Variants in ATXN8OS observed in about 807,000 individuals in gnomAD.
The protein encoded by ATXN8OS is ATXN8 opposite strand (non-protein coding).
chr13:70,107,570 C>T (rs1407298426), upstream of ATXN8OS: 3 of 1,605,958 alleles, frequency 1.9e-6, no homozygotes, highest in Non-Finnish European at 1.7e-6. Flanking sequence ...TCAAAGCTGC[C>T]ACTGCCGTCC....
At chr13:70,155,353 A>G (rs1218383510) in intron 4 of ATXN8OS, among the ~76,000 whole-genome samples, 2 of 152,186 alleles carry the variant, frequency 1.3e-5, no homozygotes, top group African/African-American at 2.4e-5. Context: ...TAGGATAACC[A>G]TAGATAGATT....
intron 3 of ATXN8OS, chr13:70,139,372 C>T: frequency 1.5e-6 from 1 of 673,810 alleles, no homozygotes; most frequent in Non-Finnish European, 2.4e-6. Context: ...ACTACTACTA[C>T]TACTACTACT....
At chr13:70,151,069 C>T (rs1365675756) in intron 4 of ATXN8OS, among the ~76,000 whole-genome samples, 1 of 152,166 alleles carries the variant, frequency 6.6e-6, no homozygotes, top group Non-Finnish European at 1.5e-5. Context: ...GAAACCATCG[C>T]TACAATCAAG....
At chr13:70,162,838 A>G (rs1479730499) in intron 4 of ATXN8OS, among the ~76,000 whole-genome samples, 1 of 152,000 alleles carries the variant, frequency 6.6e-6, no homozygotes, top group Non-Finnish European at 1.5e-5. Flanking sequence ...TAGCCTGCAA[A>G]TTACACTAAT....
chr13:70,131,298 T>A (rs1305394577), intron 3 of ATXN8OS: 7 of 398,378 alleles, frequency 1.8e-5, no homozygotes. Context: ...ATCTCTTACC[T>A]AAAATGCTAC....
chr13:70,139,374 A>ACTGCTGCTGCTGCTG (rs1436504114), intron 3 of ATXN8OS: 118 of 648,888 alleles, frequency 1.8e-4, no homozygotes, highest in East Asian at 1.7e-3. Context: ...TACTACTACT[A>ACTGCTGCTGCTGCTG]CTACTACTAC....
At chr13:70,155,254 G>C (rs563869236) in intron 4 of ATXN8OS, among the ~76,000 whole-genome samples, 4 of 152,224 alleles carry the variant, frequency 2.6e-5, no homozygotes, top group Middle Eastern at 3.4e-3. Flanking sequence ...CCTTGTGGTG[G>C]AAGTTTCTGC....
chr13:70,149,227 G>A (rs570943716), intron 4 of ATXN8OS, among the ~76,000 whole-genome samples: 1 of 152,060 alleles, frequency 6.6e-6, no homozygotes, highest in East Asian at 1.9e-4. Context: ...AGTGTTAGAT[G>A]TAAGTCATTT....
At chr13:70,169,601 T>A (rs1053398030) in intron 4 of ATXN8OS, among the ~76,000 whole-genome samples, 1 of 152,066 alleles carries the variant, frequency 6.6e-6, no homozygotes, top group African/African-American at 2.4e-5. Context: ...CCAGAAAACA[T>A]TTAATCTTTG....
chr13:70,135,348 C>T (rs1888596776), intron 3 of ATXN8OS, among the ~76,000 whole-genome samples: 1 of 152,042 alleles, frequency 6.6e-6, no homozygotes, highest in African/African-American at 2.4e-5. Context: ...CACCAAACTC[C>T]TTATCCTATT....
In ATXN8OS at chr13:70,158,662, C is replaced by T. The variant is rs143234498; in HGVS notation, n.574-11091C>T. 1.9e-3 allele frequency among the ~76,000 whole-genome samples: 289 copies of T among 152,298 alleles called. 1 individual carries two copies. The highest frequency in any genetic ancestry group is 6.7e-3 in the African/African-American group (277 of 41,566). ...TCTCTGTCTCAAACACTCAATACTA[C>T]AGTTTAGCATGAAAGAAGCCATAGA... On this transcript the variant is annotated intron_variant and non_coding_transcript_variant, in intron 4 of 4. Transcript: ENST00000678624.
intron 1 of ATXN8OS, among the ~76,000 whole-genome samples, chr13:70,109,848 C>A (rs911877236): frequency 6.6e-6 from 1 of 152,024 alleles, no homozygotes; most frequent in African/African-American, 2.4e-5. Context: ...AACTTTCCAT[C>A]AGAAATAATG....
intron 3 of ATXN8OS, among the ~76,000 whole-genome samples, chr13:70,141,312 C>T (rs534252681): frequency 1.5e-4 from 23 of 152,256 alleles, no homozygotes; most frequent in African/African-American, 5.5e-4. Context: ...TTGAATAACA[C>T]CTCCTTACAT....
chr13:70,157,182 T>G (rs1444164872), intron 4 of ATXN8OS, among the ~76,000 whole-genome samples: 1 of 152,110 alleles, frequency 6.6e-6, no homozygotes, highest in African/African-American at 2.4e-5. Context: ...CTGGATCAGA[T>G]ATATATTTTA....
chr13:70,139,097 T>C (rs1888659025), intron 3 of ATXN8OS: 2 of 401,446 alleles, frequency 5.0e-6, no homozygotes, highest in East Asian at 7.0e-5. Flanking sequence ...CTATCATATT[T>C]TGGTAAATAA....
chr13:70,151,761 A>G (rs1212738991), intron 4 of ATXN8OS, among the ~76,000 whole-genome samples: 1 of 152,136 alleles, frequency 6.6e-6, no homozygotes, highest in African/African-American at 2.4e-5. Flanking sequence ...TTAACTTTAT[A>G]TATGTTTTAG....
rs1466549604 is a variant in ATXN8OS, at chr13:70,107,814, A to C, written n.35A>C. On this transcript the variant is annotated non_coding_transcript_exon_variant, in exon 1 of 5. Coordinates refer to ENST00000678624, the Ensembl canonical transcript of ATXN8OS. The stretch of plus-strand genomic sequence containing the variant: ...GGAAGAGGCGGGATGCGCCCTCTGC[A>C]CCCCTAGAGCCAGAAGACGCTAGGT... 7 of 775,038 alleles carry C rather than the reference A, an allele frequency of 9.0e-6. No individual in the cohort carries two copies. The East Asian group carries it at 1.9e-4, about 21-fold the overall frequency. 48.0% of individuals were successfully genotyped at this position (775,038 alleles called of 1,614,324 possible).
intron 4 of ATXN8OS, among the ~76,000 whole-genome samples, chr13:70,168,367 G>A (rs748411034): frequency 6.6e-6 from 1 of 152,026 alleles, no homozygotes; most frequent in Non-Finnish European, 1.5e-5. Flanking sequence ...TGTGTTGGGA[G>A]CATTTCAAAT....
chr13:70,110,741 T>A (rs369325690), intron 1 of ATXN8OS, among the ~76,000 whole-genome samples: 1 of 152,172 alleles, frequency 6.6e-6, no homozygotes, highest in East Asian at 1.9e-4. Context: ...TAAAAAACTT[T>A]GATTGATCAC....
Sources: allele counts gnomAD v4.1 joint callset (sites outside exome capture counted in the v4.1 genomes callset), GRCh38; gene constraint gnomAD v4.1.1; transcripts MANE v1.5; gene names NCBI Gene and HGNC (gene_info 2026-07-23, HGNC 2026-07-21).